The following ODR4 variants were observed in gnomAD, a reference collection of about 807,000 sequenced individuals.
The protein encoded by ODR4 is odr-4 GPCR localization factor homolog.
A neutral mutation model predicts 60.2 loss-of-function variants in ODR4; 47 were observed. That is an observed-to-expected ratio of 0.78 (90% CI 0.62 to 1.00). ODR4 has a LOEUF of 1.00. Among genes scored for constraint, ODR4 ranks in the 50% least tolerant of loss-of-function variants. The pLI is 0.00. For missense variants in ODR4, 488 were observed against 530.8 expected, an observed-to-expected ratio of 0.92 and a Z score of 0.79; for synonymous variants, 178 against 175.5, an observed-to-expected ratio of 1.01 and a Z score of -0.11.
chr1:186,405,373 TGAA>T (rs1661134283), intron 11 of ODR4, among the ~76,000 whole-genome samples: 1 of 152,002 alleles, frequency 6.6e-6, no homozygotes, highest in Non-Finnish European at 1.5e-5. Flanking sequence ...CAAACTTGGA[TGAA>T]GAAGAGAAAA....
the ODR4 span, among the ~76,000 whole-genome samples, chr1:186,429,979 A>C: frequency 6.6e-6 from 1 of 152,148 alleles, no homozygotes; most frequent in Non-Finnish European, 1.5e-5. Flanking sequence ...AGAACAAAGG[A>C]TGAAAGTAGA....
the ODR4 span, among the ~76,000 whole-genome samples, chr1:186,430,038 T>G: frequency 6.6e-6 from 1 of 152,124 alleles, no homozygotes; most frequent in Non-Finnish European, 1.5e-5. Context: ...GTGTTTCAGT[T>G]TCATTATTTC....
At chr1:186,378,100 T>G (rs1659863357) in intron 1 of ODR4, among the ~76,000 whole-genome samples, 2 of 151,544 alleles carry the variant, frequency 1.3e-5, no homozygotes, top group Non-Finnish European at 2.9e-5. Flanking sequence ...GAGACAAAAC[T>G]GAACAAGCTC....
In ODR4 at chr1:186,398,978, A is replaced by G. The variant is rs1273131774; in HGVS notation, c.934A>G (p.Thr312Ala). ...GGCAGTAAAGAGGGATATATTGAAC[A>G]CAGTTGCTGATCGTTGTGAAATGCT... The part of the protein sequence containing the change: ...VQAVKRDILN[T>A]VADRCEMLFE... Residue 312 changes from threonine to alanine, a missense_variant, in exon 11 of 14, where the codon ACA (threonine) becomes GCA (alanine). Coordinates refer to ENST00000287859, the MANE Select transcript of ODR4 (RefSeq NM_017847.6). 1 of 1,613,006 alleles carries G rather than the reference A, an allele frequency of 6.2e-7. No individual in the cohort carries two copies. Among genetic ancestry groups the G allele is most frequent in the African/African-American group, 1.3e-5 (1 of 75,006 alleles).
chr1:186,406,240 T>C lies in ODR4; in HGVS notation c.1158T>C (p.Asp386=), dbSNP rs542467061. 6 of 1,605,712 alleles carry C rather than the reference T, an allele frequency of 3.7e-6. No homozygotes were observed. The highest frequency in any genetic ancestry group is 5.1e-6 in the Non-Finnish European group (6 of 1,176,892). ...TGGATCACACAATTCAAATAGAAGA[T>C]TTGGAAATTGCAGAGGAAACAAACA... is the stretch of plus-strand genomic sequence containing the variant. ...EMLDHTIQIE[D]LEIAEETNTA... Residue 386 remains aspartate (D), a synonymous_variant, in exon 12 of 14, where the codon GAT becomes GAC. Transcript: ENST00000287859.
chr1:186,384,572 GACAC>G lies in ODR4; in HGVS notation c.235-1386_235-1383del, dbSNP rs368870659. ...TTTGGTCTCTCATAAAATTGTATAT[GACAC>G]ACACACACACACACACACACACACA... On this transcript the variant is annotated intron_variant, in intron 3 of 13. Coordinates refer to ENST00000287859, the MANE Select transcript of ODR4 (RefSeq NM_017847.6). 1.9e-3 allele frequency among the ~76,000 whole-genome samples: 241 copies of G among 129,610 alleles called. 1 individual carries two copies. The highest frequency in any genetic ancestry group is 4.3e-3 in the African/African-American group (160 of 37,330). 85.0% of individuals were successfully genotyped at this position (129,610 alleles called of 152,430 possible). A position where few individuals can be genotyped will look rare whatever the true frequency, so the allele number is the denominator to read the frequency against.
rs191464644 is a variant in ODR4, at chr1:186,402,898, A to G, written c.1001-3185A>G. Among the ~76,000 whole-genome samples, 182 of 152,254 alleles carry G rather than the reference A, an allele frequency of 1.2e-3. 1 individual carries two copies. Among genetic ancestry groups the G allele is most frequent in the African/African-American group, 4.2e-3 (173 of 41,548 alleles). ...TGAATGGCCCCATTTTCTTATATAT[A>G]AAATAGGAATTATGGTACCTACTTT... On this transcript the variant is annotated intron_variant, in intron 11 of 13. Transcript: ENST00000287859.
chr1:186,392,027 T>TA (rs1660487420), intron 8 of ODR4, among the ~76,000 whole-genome samples: 3 of 151,850 alleles, frequency 2.0e-5, no homozygotes, highest in Admixed American at 2.0e-4. Flanking sequence ...AAGAATCGTA[T>TA]GAAAAAAAAC....
chr1:186,403,114 G>A (rs1661048656), intron 11 of ODR4, among the ~76,000 whole-genome samples: 1 of 152,054 alleles, frequency 6.6e-6, no homozygotes, highest in African/African-American at 2.4e-5. Context: ...GAAATAAGAT[G>A]TAAATATATA....
chr1:186,395,395 G>A (rs1405844389), intron 9 of ODR4, among the ~76,000 whole-genome samples: 9 of 151,956 alleles, frequency 5.9e-5, no homozygotes, highest in Admixed American at 5.9e-4. Context: ...GCCTGGCCAG[G>A]TGTAGTAATA....
chr1:186,390,716 A>G lies in ODR4; in HGVS notation c.480A>G (p.Ser160=). 1 of 1,613,456 alleles carries G rather than the reference A, an allele frequency of 6.2e-7. No individual in the cohort carries two copies. Among genetic ancestry groups the G allele is most frequent in the African/African-American group, 1.3e-5 (1 of 75,060 alleles). The change falls in exon 7 of 14, where the codon TCA becomes TCG. Residue 160 remains serine (S), a synonymous_variant. Coordinates refer to ENST00000287859, the MANE Select transcript of ODR4 (RefSeq NM_017847.6). Reference sequence around the variant, plus strand: ...TCTCCCTTCTCCACTGCTAGAGTTCAGCAAGACCAGCAGATTGGAAGTATC... The same window carrying G: ...TCTCCCTTCTCCACTGCTAGAGTTCGGCAAGACCAGCAGATTGGAAGTATC... ...RTYDIHDPKS[S]ARPADWKYQS... is the part of the protein sequence containing the mutation.
At chr1:186,403,798 T>C (rs1661075236) in intron 11 of ODR4, among the ~76,000 whole-genome samples, 3 of 152,200 alleles carry the variant, frequency 2.0e-5, no homozygotes, top group South Asian at 2.1e-4. Flanking sequence ...CTTATTCTCA[T>C]AGATGACCTA....
chr1:186,418,676 A>G (rs183074923), intron 13 of ODR4, among the ~76,000 whole-genome samples: 141 of 152,290 alleles, frequency 9.3e-4, no homozygotes, highest in African/African-American at 3.3e-3. Flanking sequence ...CTTTTAACCT[A>G]CGTAGCATAA....
At chr1:186,433,621 C>A in the ODR4 span, among the ~76,000 whole-genome samples, 1 of 152,030 alleles carries the variant, frequency 6.6e-6, no homozygotes, top group South Asian at 2.1e-4. Flanking sequence ...CACTCTGTGG[C>A]GCAGACTGGA....
chr1:186,400,862 T>C, intron 11 of ODR4: 1 of 492,374 alleles, frequency 2.0e-6, no homozygotes, highest in East Asian at 3.8e-5. Context: ...TTGAGAGTTT[T>C]GGGAGGGCAG....
intron 12 of ODR4, among the ~76,000 whole-genome samples, chr1:186,412,448 C>CAGT (rs749206814): frequency 1.8e-4 from 28 of 152,108 alleles, no homozygotes; most frequent in Middle Eastern, 6.8e-3. Flanking sequence ...AGATGTATTA[C>CAGT]AACCAAGAAT....
chr1:186,407,034 A>G (rs1309103439), intron 12 of ODR4, among the ~76,000 whole-genome samples: 1 of 152,132 alleles, frequency 6.6e-6, no homozygotes, highest in Non-Finnish European at 1.5e-5. Context: ...TGAGTCAAGT[A>G]AGTATTTGAT....
At chr1:186,408,261 T>G (rs1399448038) in intron 12 of ODR4, among the ~76,000 whole-genome samples, 1 of 152,086 alleles carries the variant, frequency 6.6e-6, no homozygotes, top group East Asian at 1.9e-4. Flanking sequence ...CTGTGCTTCT[T>G]TTCTAAAAAT....
At chr1:186,427,080 T>C in the ODR4 span, among the ~76,000 whole-genome samples, 1 of 152,352 alleles carries the variant, frequency 6.6e-6, no homozygotes, top group Admixed American at 6.5e-5. Flanking sequence ...TGGAAGGTTT[T>C]TGTCTTGATG....
Sources: gnomAD v4.1 joint callset for allele counts (sites outside exome capture counted in the v4.1 genomes callset) on GRCh38, gnomAD v4.1.1 for gene constraint, MANE v1.5 for transcripts, NCBI Gene and HGNC (gene_info 2026-07-23, HGNC 2026-07-21) for gene names.